The following GON4L variants were observed in gnomAD, a reference collection of about 807,000 sequenced individuals.
GON4L encodes GON-4-like protein.
In GON4L, 87 loss-of-function variants were observed where a neutral mutation model predicts 211.8. The ratio of observed to expected loss-of-function variants is 0.41; its 90% CI spans 0.35 to 0.49. GON4L has a LOEUF of 0.49. Among genes scored for constraint, GON4L ranks in the 20% least tolerant of loss-of-function variants. The probability of loss-of-function intolerance (pLI) is 0.15; values close to 1 mark genes in which losing one functional copy is unlikely to be tolerated. For synonymous variants in GON4L, 875 were observed against 962.6 expected (o/e 0.91, Z 1.68); for missense variants, 2,155 against 2,659.5 (o/e 0.81, Z 4.17).
intron 19 of GON4L, 103 bp from the exon 20 acceptor site, chr1:155,767,644 C>T (rs1296043694): frequency 3.1e-5 from 48 of 1,548,782 alleles, no homozygotes; most frequent in African/African-American, 4.1e-5. Context: ...AACACACACA[C>T]ACACACACAC....
intron 10 of GON4L, among the ~76,000 whole-genome samples, chr1:155,811,010 C>T (rs1667712939): frequency 6.6e-6 from 1 of 151,828 alleles, no homozygotes; most frequent in African/African-American, 2.4e-5. Flanking sequence ...CAGACTGTGA[C>T]TCCATATCCA....
intron 27 of GON4L, chr1:155,756,513 A>T: frequency 5.8e-6 from 1 of 172,820 alleles, no homozygotes; most frequent in South Asian, 1.4e-4. Flanking sequence ...ATCGTCTCAG[A>T]TCCTAGAGCC....
At chr1:155,840,273 C>A (rs1288612863) in intron 2 of GON4L, among the ~76,000 whole-genome samples, 1 of 152,194 alleles carries the variant, frequency 6.6e-6, no homozygotes, top group Non-Finnish European at 1.5e-5. Context: ...AATTTAACTT[C>A]AAGATTAGTT....
At chr1:155,819,774 T>C (rs1359641008) in intron 6 of GON4L, among the ~76,000 whole-genome samples, 2 of 152,214 alleles carry the variant, frequency 1.3e-5, no homozygotes, top group African/African-American at 4.8e-5. Context: ...CACAGAATAC[T>C]TCAGATGTCT....
At chr1:155,748,373 A>T, downstream of GON4L, 1 of 1,592,502 alleles carries the variant, frequency 6.3e-7, no homozygotes, top group East Asian at 2.2e-5. Flanking sequence ...CCCGAGGCCA[A>T]GTGCCCCTCT....
At chr1:155,800,193 C>G (rs1666502058) in intron 11 of GON4L, among the ~76,000 whole-genome samples, 1 of 150,236 alleles carries the variant, frequency 6.7e-6, no homozygotes, top group Non-Finnish European at 1.5e-5. Flanking sequence ...GAGCAAAACT[C>G]CATCTCAAAA....
intron 21 of GON4L, chr1:155,764,798 G>A (rs1026831750): frequency 1.7e-5 from 23 of 1,352,092 alleles, no homozygotes; most frequent in African/African-American, 2.9e-5. Flanking sequence ...ATGTGTAAAC[G>A]AGTTTAATAT....
At chr1:155,833,646 CAAAAAAAAAAAAAAA>C (rs59340708) in intron 2 of GON4L, among the ~76,000 whole-genome samples, 2 of 16,404 alleles carry the variant, frequency 1.2e-4, no homozygotes, top group South Asian at 0.017. Context: ...ACTCTGTCTC[CAAAAAAAAAAAAAAA>C]AAAAAAAAAA....
chr1:155,763,578 CAA>C lies in GON4L; in HGVS notation c.4474-16_4474-15del, dbSNP rs1662070272. Reference sequence around the variant, plus strand: ...CTCCATTGTTTCCTGTAAAACCCTCCAAAGAGTACTTATAATGGCTCTTAGTG... The same window carrying C: ...CTCCATTGTTTCCTGTAAAACCCTCCAGAGTACTTATAATGGCTCTTAGTG... On this transcript the variant is annotated splice_polypyrimidine_tract_variant and intron_variant, in intron 21 of 31. Transcript: ENST00000368331. 1 of 1,533,718 alleles carries C rather than the reference CAA, an allele frequency of 6.5e-7. No homozygotes were observed. Among genetic ancestry groups the C allele is most frequent in the Non-Finnish European group, 8.8e-7 (1 of 1,141,956 alleles).
intron 19 of GON4L, among the ~76,000 whole-genome samples, chr1:155,767,985 A>T (rs201892040): frequency 2.0e-5 from 3 of 151,312 alleles, no homozygotes; most frequent in African/African-American, 7.3e-5. Flanking sequence ...AGAAGGGGGG[A>T]AAAAAAGAGC....
At chr1:155,792,900 G>C (rs994872820) in intron 12 of GON4L, among the ~76,000 whole-genome samples, 1 of 152,012 alleles carries the variant, frequency 6.6e-6, no homozygotes, top group African/African-American at 2.4e-5. Context: ...GGGACTACGG[G>C]CATGCACCAC....
At chr1:155,847,028 G>A (rs1321355839) in intron 2 of GON4L, among the ~76,000 whole-genome samples, 1 of 152,092 alleles carries the variant, frequency 6.6e-6, no homozygotes, top group Non-Finnish European at 1.5e-5. Flanking sequence ...AAAAACACAG[G>A]AGTTGAATTT....
Position 155,807,932 on chromosome 1 carries a change from G to GGTTTCT in GON4L, c.1453-2797_1453-2792dup, listed in dbSNP as rs1461110001. 2.0e-5 allele frequency among the ~76,000 whole-genome samples: 3 copies of GGTTTCT among 151,740 alleles called. No homozygotes were observed. In the East Asian group the frequency reaches 5.8e-4, roughly 29 times the overall value. On this transcript the variant is annotated intron_variant, in intron 10 of 31. Coordinates refer to ENST00000368331, the MANE Select transcript of GON4L (RefSeq NM_001282860.2). ...ACTACACTGCATCAACCTGCTAATG[G>GGTTTCT]GTTTCTGTTTACCCTCTTGCTTTAC...
At chr1:155,773,459 A>G in intron 17 of GON4L, 1 of 515,406 alleles carries the variant, frequency 1.9e-6, no homozygotes, top group Non-Finnish European at 3.5e-6. Flanking sequence ...TTCACTAAGT[A>G]AAACAAACAC....
chr1:155,839,242 T>C (rs965223561), intron 2 of GON4L, among the ~76,000 whole-genome samples: 2 of 151,676 alleles, frequency 1.3e-5, no homozygotes, highest in Non-Finnish European at 2.9e-5. Flanking sequence ...AGAAAGGTTA[T>C]AAATAAAAGA....
chr1:155,831,992 A>C lies in GON4L; in HGVS notation c.506-4964T>G, dbSNP rs1273156802. Among the ~76,000 whole-genome samples, 3 of 152,286 alleles carry C rather than the reference A, an allele frequency of 2.0e-5. No homozygotes were observed. The East Asian group carries it at 5.8e-4, about 29-fold the overall frequency. ...AGGAGGCGGAGCTTGCAGTGAGCCG[A>C]AATCACACCACTGCACTCCAGCCTG... On this transcript the variant is annotated intron_variant, in intron 2 of 31. Coordinates refer to ENST00000368331, the MANE Select transcript of GON4L (RefSeq NM_001282860.2).
intron 17 of GON4L, chr1:155,773,489 A>G (rs1663426323): frequency 1.1e-5 from 5 of 443,248 alleles, no homozygotes; most frequent in Non-Finnish European, 2.1e-5. Flanking sequence ...ACCTAGTAAA[A>G]TAAGGTGCTA....
At chr1:155,783,872 C>T in intron 14 of GON4L, 114 bp downstream of exon 14, 1 of 1,539,686 alleles carries the variant, frequency 6.5e-7, no homozygotes, top group Non-Finnish European at 8.8e-7. Context: ...TGCATCCTTA[C>T]ATCAGTAACA....
At chr1:155,789,413 C>T (rs779550636) in intron 12 of GON4L, among the ~76,000 whole-genome samples, 1 of 151,826 alleles carries the variant, frequency 6.6e-6, no homozygotes, top group Non-Finnish European at 1.5e-5. Context: ...GGGAGGATCA[C>T]GAGGTCAGGA....
Sources: allele counts gnomAD v4.1 joint callset (sites outside exome capture counted in the v4.1 genomes callset), GRCh38; gene constraint gnomAD v4.1.1; transcripts MANE v1.5; gene names NCBI Gene and HGNC (gene_info 2026-07-23, HGNC 2026-07-21).